The following MAP4K4 variants were observed in gnomAD, a reference collection of about 807,000 sequenced individuals.
The protein encoded by MAP4K4 is mitogen-activated protein kinase kinase kinase kinase 4.
In MAP4K4, 38 loss-of-function variants were observed where a neutral mutation model predicts 189.6. That is an observed-to-expected ratio of 0.20 (90% CI 0.15 to 0.26). The LOEUF (loss-of-function observed/expected upper bound fraction) is 0.26. MAP4K4 is among the 10% of genes least tolerant of loss of function. MAP4K4 has a pLI of 1.00. For synonymous variants in MAP4K4, 610 were observed against 624.3 expected, an observed-to-expected ratio of 0.98 and a Z score of 0.34; for missense variants, 1,054 against 1,726.9, an observed-to-expected ratio of 0.61 and a Z score of 6.91.
chr2:101,800,515 TATTTTAATAATCATAC>T (rs1349943806), intron 3 of MAP4K4, among the ~76,000 whole-genome samples: 1 of 152,258 alleles, frequency 6.6e-6, no homozygotes, highest in African/African-American at 2.4e-5. Context: ...TGTGCTACTA[TATTTTAATAATCATAC>T]ATTTACTAAT....
At chr2:101,868,127 T>C (rs573742817) in intron 21 of MAP4K4, 90 bp downstream of exon 21, 27 of 1,388,830 alleles carry the variant, frequency 1.9e-5, no homozygotes, top group Middle Eastern at 1.8e-4. Flanking sequence ...TCCTGCTCCT[T>C]CCTCAACTTG....
exon 1 of MAP4K4, chr2:101,698,002 GC>G: frequency 9.8e-7 from 1 of 1,016,392 alleles, no homozygotes. Context: ...AGCGCGGTCG[GC>G]GGCCTGGTCT....
intron 3 of MAP4K4, among the ~76,000 whole-genome samples, chr2:101,814,653 G>A (rs2095616431): frequency 2.0e-5 from 3 of 152,152 alleles, no homozygotes; most frequent in Admixed American, 2.0e-4. Flanking sequence ...TTTCCAGGGA[G>A]CATCAAGAGC....
At chr2:101,778,814 C>T (rs2085737701) in intron 2 of MAP4K4, among the ~76,000 whole-genome samples, 1 of 152,118 alleles carries the variant, frequency 6.6e-6, no homozygotes, top group African/African-American at 2.4e-5. Flanking sequence ...TTCTGGAACA[C>T]AGACCTTTGA....
chr2:101,892,938 A>G (rs1006803807), exon 33 of MAP4K4: 2 of 456,304 alleles, frequency 4.4e-6, no homozygotes, highest in Non-Finnish European at 8.8e-6. Context: ...AAATAACTGC[A>G]TTATGGCTGC....
chr2:101,844,020 G>T, intron 11 of MAP4K4, 81 bp from the exon 12 acceptor site: 1 of 881,764 alleles, frequency 1.1e-6, no homozygotes. Context: ...GTAGAAATGG[G>T]ATAATATGCT....
At chr2:101,825,976 G>A (rs74650867) in intron 5 of MAP4K4, among the ~76,000 whole-genome samples, 10 of 152,308 alleles carry the variant, frequency 6.6e-5, no homozygotes, top group Non-Finnish European at 1.3e-4. Flanking sequence ...GCTTTTAAAT[G>A]GTTCTTTTGA....
At chr2:101,847,647 A>T (rs529709022) in intron 12 of MAP4K4, among the ~76,000 whole-genome samples, 55 of 152,376 alleles carry the variant, frequency 3.6e-4, no homozygotes, top group African/African-American at 1.3e-3. Flanking sequence ...CTACAGATTT[A>T]TATGAAGTGT....
rs6709786 is a variant in MAP4K4, at chr2:101,838,135, G to A, written c.774-1684G>A. Among the ~76,000 whole-genome samples, 883 of 152,288 alleles carry A rather than the reference G, an allele frequency of 5.8e-3. 11 individuals carry two copies. The highest frequency in any genetic ancestry group is 0.02 in the African/African-American group (816 of 41,554). Reference sequence around the variant, plus strand: ...CTTGATTCTTGACTTTAGGAAATACGTTGTAGATCATTGATTCCGAGATGT... The same window carrying A: ...CTTGATTCTTGACTTTAGGAAATACATTGTAGATCATTGATTCCGAGATGT... On this transcript the variant is annotated intron_variant, in intron 9 of 32. Transcript: ENST00000324219.
At chr2:101,862,252 A>AG (rs1559233426) in intron 16 of MAP4K4, 1 of 148,120 alleles carries the variant, frequency 6.8e-6, no homozygotes, top group Non-Finnish European at 1.5e-5. Context: ...AAAAAAAAAA[A>AG]AAAAAAAAAA....
exon 26 of MAP4K4, chr2:101,874,179 A>G (rs748947987): frequency 6.8e-6 from 11 of 1,613,896 alleles, no homozygotes; most frequent in Admixed American, 3.3e-5. Flanking sequence ...ACACTAGGCC[A>G]CAGAGTGACA....
intron 10 of MAP4K4, among the ~76,000 whole-genome samples, 192 bp downstream of exon 10, chr2:101,840,186 G>C (rs528410281): frequency 1.3e-5 from 2 of 152,230 alleles, no homozygotes; most frequent in East Asian, 3.9e-4. Flanking sequence ...GGAGCTTTGT[G>C]TTGTGTCACC....
intron 3 of MAP4K4, among the ~76,000 whole-genome samples, chr2:101,820,893 A>G (rs1235439457): frequency 1.3e-5 from 2 of 152,226 alleles, no homozygotes; most frequent in Non-Finnish European, 2.9e-5. Flanking sequence ...AGAGAGCACA[A>G]GATAAAACTT....
chr2:101,885,406 T>C (rs2098465674), intron 29 of MAP4K4, 119 bp downstream of exon 29: 2 of 592,866 alleles, frequency 3.4e-6, no homozygotes, highest in South Asian at 2.3e-5. Flanking sequence ...TATGTGCTAA[T>C]ATAGCATATA....
At chr2:101,725,791 G>T (rs912007454) in intron 2 of MAP4K4, among the ~76,000 whole-genome samples, 1 of 152,218 alleles carries the variant, frequency 6.6e-6, no homozygotes, top group Non-Finnish European at 1.5e-5. Flanking sequence ...ACTTGAGGAG[G>T]AGCCAGGAGG....
intron 2 of MAP4K4, among the ~76,000 whole-genome samples, chr2:101,790,193 G>A (rs941604644): frequency 6.6e-6 from 1 of 152,068 alleles, no homozygotes; most frequent in African/African-American, 2.4e-5. Flanking sequence ...AAAGTAATGG[G>A]TATTGGGAAT....
chr2:101,733,586 G>C (rs568971319), intron 2 of MAP4K4, among the ~76,000 whole-genome samples: 188 of 152,324 alleles, frequency 1.2e-3, no homozygotes, highest in African/African-American at 4.4e-3. Flanking sequence ...TGGTTGGCTT[G>C]TCAGCTCCCT....
intron 2 of MAP4K4, among the ~76,000 whole-genome samples, chr2:101,733,914 G>T (rs915994695): frequency 1.3e-5 from 2 of 152,206 alleles, no homozygotes; most frequent in Admixed American, 1.3e-4. Flanking sequence ...TGGAGCCTTT[G>T]TTCCCTGAAC....
intron 2 of MAP4K4, among the ~76,000 whole-genome samples, chr2:101,711,692 A>G (rs2045636977): frequency 6.6e-6 from 1 of 152,162 alleles, no homozygotes; most frequent in South Asian, 2.1e-4. Flanking sequence ...GGGACTTTGT[A>G]GTCCCATTAG....
Sources: allele counts gnomAD v4.1 joint callset (sites outside exome capture counted in the v4.1 genomes callset), GRCh38; gene constraint gnomAD v4.1.1; transcripts MANE v1.5; gene names NCBI Gene and HGNC (gene_info 2026-07-23, HGNC 2026-07-21).